PDE10A: variants seen among roughly 807,000 people sequenced by gnomAD.
The protein encoded by PDE10A is phosphodiesterase 10A.
Under a neutral mutation model 97.7 loss-of-function variants are expected in PDE10A, and 39 were observed. The observed-to-expected ratio is 0.40, with a 90% CI of 0.31 to 0.52. PDE10A has a LOEUF of 0.52. Among genes scored for constraint, PDE10A ranks in the 20% least tolerant of loss-of-function variants. The pLI is 0.56. For missense variants in PDE10A, 731 were observed against 1,047.8 expected (o/e 0.70, Z 4.17); for synonymous variants, 371 against 376.8 (o/e 0.98, Z 0.18).
chr6:165,465,307 A>C (rs896019855), intron 3 of PDE10A, among the ~76,000 whole-genome samples: 3 of 152,248 alleles, frequency 2.0e-5, no homozygotes, highest in African/African-American at 7.2e-5. Flanking sequence ...GAGGCCACTG[A>C]TTCTTTGCAA....
chr6:165,333,040 A>G lies in PDE10A; in HGVS notation c.3153T>C (p.Ala1051=). ...ISSPSVAQKA[A]ASED is the part of the protein sequence containing the mutation. ...TGACCAGTGCTCAATCTTCAGATGC[A>G]GCTGCCTTCTGAGCCACGGATGGGG... Residue 1051 remains alanine, a synonymous_variant, in exon 22 of 22, where the codon GCT becomes GCC. Transcript: ENST00000539869. The G allele has an allele frequency of 6.2e-7, 1 of 1,604,068 alleles. No homozygotes were observed. The highest frequency in any genetic ancestry group is 8.5e-7 in the Non-Finnish European group (1 of 1,171,538).
intron 12 of PDE10A, among the ~76,000 whole-genome samples, chr6:165,415,284 A>G (rs1052819825): frequency 2.6e-5 from 4 of 152,174 alleles, no homozygotes; most frequent in African/African-American, 9.7e-5. Flanking sequence ...GAATATTCCT[A>G]TGTTTTTATA....
rs1188774882 is a variant in PDE10A, at chr6:165,943,222, AGAAAGAAAGAAAGAAG to A, written c.-615+44291_-615+44306del. On this transcript the variant is annotated intron_variant, in intron 1 of 19. Transcript: ENST00000366882. ...AAGAAAGAAAGAAAGAAAGAAAGAA[AGAAAGAAAGAAAGAAG>A]GAAGGAAGGAAGGAAGGAAGGAAGG... 8.4e-3 allele frequency among the ~76,000 whole-genome samples: 541 copies of A among 64,318 alleles called. 3 individuals are homozygous for A. Among genetic ancestry groups the A allele is most frequent in the East Asian group, 0.012 (44 of 3,554 alleles). 42.2% of individuals were successfully genotyped at this position (64,318 alleles called of 152,430 possible).
chr6:165,452,857 A>T (rs950300623), intron 3 of PDE10A, among the ~76,000 whole-genome samples: 1 of 151,728 alleles, frequency 6.6e-6, no homozygotes, highest in Non-Finnish European at 1.5e-5. Context: ...AAGAACCTAG[A>T]CTGCAATAAA....
At chr6:165,783,750 C>A (rs928322187) in intron 1 of PDE10A, among the ~76,000 whole-genome samples, 6 of 152,084 alleles carry the variant, frequency 3.9e-5, no homozygotes, top group Admixed American at 6.5e-5. Context: ...TAGGAACAAG[C>A]AATAGAGCCC....
intron 1 of PDE10A, among the ~76,000 whole-genome samples, chr6:165,927,588 T>A (rs1032066153): frequency 1.7e-4 from 25 of 149,380 alleles, no homozygotes; most frequent in African/African-American, 5.9e-4. Flanking sequence ...TATTTTCTCT[T>A]GCTTATATGT....
intron 1 of PDE10A, among the ~76,000 whole-genome samples, chr6:165,589,839 T>C (rs1376634904): frequency 6.6e-6 from 1 of 152,186 alleles, no homozygotes; most frequent in East Asian, 1.9e-4. Flanking sequence ...GAACAGATTT[T>C]AAACAAGTCT....
chr6:165,548,451 A>G (rs1386983953), intron 1 of PDE10A, among the ~76,000 whole-genome samples: 3 of 152,096 alleles, frequency 2.0e-5, no homozygotes, highest in Non-Finnish European at 4.4e-5. Context: ...ATTTCTGAAT[A>G]AAATAGGTTT....
chr6:165,895,435 C>A (rs1781916630), intron 1 of PDE10A, among the ~76,000 whole-genome samples: 1 of 152,150 alleles, frequency 6.6e-6, no homozygotes, highest in Admixed American at 6.5e-5. Flanking sequence ...AAGGATCCTC[C>A]GTGGTGGCTT....
chr6:165,774,672 G>C (rs1299160619), intron 1 of PDE10A, among the ~76,000 whole-genome samples: 1 of 149,198 alleles, frequency 6.7e-6, no homozygotes, highest in African/African-American at 2.4e-5. Flanking sequence ...GATAGTTACT[G>C]CTTCTGGAGA....
chr6:165,575,405 T>C (rs955166471), intron 1 of PDE10A, among the ~76,000 whole-genome samples: 1 of 152,122 alleles, frequency 6.6e-6, no homozygotes, highest in South Asian at 2.1e-4. Flanking sequence ...ACTCAGAGGA[T>C]CCTTTATTTT....
In PDE10A at chr6:165,395,200, G is replaced by A. The variant is rs769292110; in HGVS notation, c.2284C>T (p.Arg762Trp). ...TCATACCAGGATGTCCCACAGGACC[G>A]ATGAACCATGTAGACAAAAATTCCA... is the stretch of plus-strand genomic sequence containing the variant. ...WPGIFVYMVHRSCGTSCFELE... is the reference protein window; with the variant it reads ...WPGIFVYMVHWSCGTSCFELE... Residue 762 changes from arginine (R) to tryptophan (W), a missense_variant, in exon 15 of 22, where the codon CGG becomes TGG. This residue lies in a region of PDE10A where 131 missense variants were observed against 187.4 expected (regional missense o/e 0.70). Transcript: ENST00000539869. The A allele has an allele frequency of 1.9e-6, 3 of 1,612,314 alleles. No individual in the cohort carries two copies. The highest frequency in any genetic ancestry group is 1.3e-5 in the African/African-American group (1 of 74,974).
At chr6:165,650,492 A>T (rs1344679053) in intron 1 of PDE10A, among the ~76,000 whole-genome samples, 1 of 55,634 alleles carries the variant, frequency 1.8e-5, no homozygotes, top group Non-Finnish European at 4.1e-5. Context: ...TAACATAAAA[A>T]TGTATCTGAG....
intron 3 of PDE10A, among the ~76,000 whole-genome samples, chr6:165,462,119 G>A (rs1778361301): frequency 6.6e-6 from 1 of 152,138 alleles, no homozygotes; most frequent in South Asian, 2.1e-4. Context: ...AATGCCCCAG[G>A]CTATACTAGC....
chr6:165,395,662 A>G (rs1786108608), intron 14 of PDE10A, among the ~76,000 whole-genome samples: 1 of 152,186 alleles, frequency 6.6e-6, no homozygotes. Flanking sequence ...TGAGATAACA[A>G]TTTCACTAAT....
chr6:165,772,493 T>C (rs1475205315), intron 1 of PDE10A, among the ~76,000 whole-genome samples: 1 of 152,134 alleles, frequency 6.6e-6, no homozygotes, highest in East Asian at 1.9e-4. Flanking sequence ...TGGCCTTCTC[T>C]CCTCTCCTGT....
intron 13 of PDE10A, among the ~76,000 whole-genome samples, chr6:165,404,741 CACTT>C (rs776071909): frequency 7.9e-5 from 12 of 151,988 alleles, no homozygotes; most frequent in Non-Finnish European, 1.2e-4. Context: ...TAATGAAAAA[CACTT>C]ACTGAGAGAT....
intron 1 of PDE10A, among the ~76,000 whole-genome samples, chr6:165,606,967 C>G (rs1787240888): frequency 6.6e-6 from 1 of 152,086 alleles, no homozygotes; most frequent in South Asian, 2.1e-4. Flanking sequence ...TCTTCATATT[C>G]CAATATAATA....
intron 10 of PDE10A, among the ~76,000 whole-genome samples, chr6:165,422,250 T>G (rs1401862139): frequency 6.6e-6 from 1 of 151,870 alleles, no homozygotes; most frequent in East Asian, 1.9e-4. Context: ...AAGCCACCCC[T>G]ACTCCCTTAT....
Sources: gnomAD v4.1 joint callset for allele counts (sites outside exome capture counted in the v4.1 genomes callset) on GRCh38, gnomAD v4.1.1 for gene constraint, gnomAD v4.1.1 regional missense constraint, MANE v1.5 for transcripts, NCBI Gene and HGNC (gene_info 2026-07-23, HGNC 2026-07-21) for gene names.